Variants in GANC observed in about 807,000 individuals in gnomAD.
GANC encodes glucosidase alpha, neutral C.
In GANC, 117 loss-of-function variants were observed where a neutral mutation model predicts 124.2. That is an observed-to-expected ratio of 0.94 (90% CI 0.81 to 1.10). The LOEUF (loss-of-function observed/expected upper bound fraction) is 1.10. Ranked by LOEUF, GANC falls within the 50% of genes least tolerant of loss-of-function variation. GANC has a pLI of 0.00. For synonymous variants in GANC, 377 were observed against 376.8 expected, an observed-to-expected ratio of 1.00 and a Z score of -0.01; for missense variants, 1,140 against 1,095.0, an observed-to-expected ratio of 1.04 and a Z score of -0.58.
rs975029198 is a variant in GANC at position 42,276,746 on chromosome 15, C to G, written c.92+336C>G. 4.6e-5 allele frequency among the ~76,000 whole-genome samples: 7 copies of G among 152,298 alleles called. No individual in the cohort carries two copies. The East Asian group carries it at 1.3e-3, about 29-fold the overall frequency. On this transcript the variant is annotated intron_variant, in intron 2 of 23. Coordinates refer to ENST00000318010, the MANE Select transcript of GANC (RefSeq NM_198141.3). ...TTGCTTCCACTCCTGTCCCCTTCTACCCATTCCTCATCTTGTCCCGAATAA... is the reference window on the plus strand; with the variant it reads ...TTGCTTCCACTCCTGTCCCCTTCTAGCCATTCCTCATCTTGTCCCGAATAA...
chr15:42,308,125 C>A, intron 7 of GANC, 97 bp from the exon 8 acceptor site: 1 of 684,036 alleles, frequency 1.5e-6, no homozygotes, highest in Non-Finnish European at 2.5e-6. Flanking sequence ...GGTCTCTCAG[C>A]CTTTAGTCTA....
At chr15:42,315,988 A>T (rs1239212942) in intron 10 of GANC, among the ~76,000 whole-genome samples, 7 of 152,076 alleles carry the variant, frequency 4.6e-5, no homozygotes, top group Admixed American at 4.6e-4. Context: ...CTCTCTGTGT[A>T]TGTATACATA....
intron 5 of GANC, among the ~76,000 whole-genome samples, chr15:42,296,643 T>C (rs1327800276): frequency 6.6e-6 from 1 of 152,184 alleles, no homozygotes; most frequent in Non-Finnish European, 1.5e-5. Context: ...TCTACCCGCA[T>C]TGGCCTCCCA....
At chr15:42,295,901 G>A (rs2051887347) in intron 5 of GANC, among the ~76,000 whole-genome samples, 1 of 152,076 alleles carries the variant, frequency 6.6e-6, no homozygotes, top group African/African-American at 2.4e-5. Context: ...TAGCACTTTG[G>A]GAGGCTGAGG....
chr15:42,278,742 C>T (rs964609923), intron 3 of GANC, 152 bp downstream of exon 3: 3 of 566,118 alleles, frequency 5.3e-6, no homozygotes, highest in Non-Finnish European at 9.2e-6. Context: ...GCCTGTAATC[C>T]CAGCACTCTG....
At position 42,321,915 on chromosome 15, in the gene GANC, G is replaced by A. The variant is rs1470176800; in HGVS notation, c.1188G>A (p.Trp396Ter). The change falls in exon 11 of 24, where the codon TGG (tryptophan) becomes TGA (stop). Residue 396 changes from tryptophan to a stop codon, truncating the protein, a stop_gained. Coordinates refer to ENST00000318010, the MANE Select transcript of GANC (RefSeq NM_198141.3). LOFTEE classifies it high-confidence loss of function. Reference sequence around the variant, plus strand: ...ATGACATTCCTTATGATGCCATGTGGCTGGACATAGAGCACACTGAGGGCA... The same window carrying A: ...ATGACATTCCTTATGATGCCATGTGACTGGACATAGAGCACACTGAGGGCA... ...DEHDIPYDAM[W>*]LDIEHTEGKR... The A allele has an allele frequency of 1.9e-6, 3 of 1,614,086 alleles. No individual in the cohort carries two copies. In the Admixed American group the frequency reaches 5.0e-5, roughly 27 times the overall value.
intron 2 of GANC, among the ~76,000 whole-genome samples, chr15:42,277,723 C>T (rs1356137252): frequency 2.0e-5 from 3 of 151,650 alleles, no homozygotes; most frequent in Admixed American, 2.0e-4. Flanking sequence ...GCCTCAGCCT[C>T]CCGACTAGCT....
At chr15:42,339,592 C>T in intron 16 of GANC, 77 bp from the exon 17 acceptor site, 1 of 1,546,838 alleles carries the variant, frequency 6.5e-7, no homozygotes, top group South Asian at 1.2e-5. Context: ...TCCTGTCGGT[C>T]TTCAAGACCT....
At chr15:42,276,933 T>A (rs1218782297) in intron 2 of GANC, among the ~76,000 whole-genome samples, 1 of 152,228 alleles carries the variant, frequency 6.6e-6, no homozygotes, top group Non-Finnish European at 1.5e-5. Flanking sequence ...TATGAGTGCA[T>A]GGAGATTGTT....
In GANC at chr15:42,353,044, A is replaced by G; in HGVS notation, c.*905A>G. The G allele has an allele frequency of 1.1e-6, 1 of 884,578 alleles. No homozygotes were observed. The highest frequency in any genetic ancestry group is 1.4e-6 in the Non-Finnish European group (1 of 737,718). 54.8% of individuals were successfully genotyped at this position (884,578 alleles called of 1,614,324 possible). ...TGCAAAAAAAACCATGATGAACAAA[A>G]TATTAAAATTTAAAATAAAGACAGG... On this transcript the variant is annotated 3_prime_UTR_variant, in exon 24 of 24. Transcript: ENST00000318010.
In GANC at chr15:42,278,517, A is replaced by G. The variant is rs780643380; in HGVS notation, c.128A>G (p.Tyr43Cys). Residue 43 changes from tyrosine (Y) to cysteine (C), a missense_variant, in exon 3 of 24, where the codon TAT becomes TGT. Physicochemically the swap from Tyr to Cys is radical, Grantham distance 194. Transcript: ENST00000318010. ...CAGTGGCTTTCCAAGAAGTCCACCT[A>G]TCAGGCATTATTGGATTCAGTCACA... ...QKQWLSKKST[Y>C]QALLDSVTTD... 6.8e-6 allele frequency: 11 copies of G among 1,612,722 alleles called. No homozygotes were observed. In the South Asian group the frequency reaches 1.2e-4, roughly 18 times the overall value.
chr15:42,292,985 AAATAGATAACAT>A, intron 5 of GANC, 68 bp downstream of exon 5: 1 of 1,437,970 alleles, frequency 7.0e-7, no homozygotes, highest in Non-Finnish European at 9.6e-7. Flanking sequence ...TCAGTTGCCT[AAATAGATAACAT>A]AGCACCATAG....
At position 42,276,471 on chromosome 15, in the gene GANC, G is replaced by T. The variant is rs2051672996; in HGVS notation, c.92+61G>T. 8.7e-6 allele frequency: 7 copies of T among 802,660 alleles called. No homozygotes were observed. In the South Asian group the frequency reaches 1.1e-4, roughly 12 times the overall value. 49.7% of individuals were successfully genotyped at this position (802,660 alleles called of 1,614,324 possible). ...TCTCTGACAGTATTTCAAAATTGATGCTTATTAAATTTTTGGAACTGATAG... is the reference window on the plus strand; with the variant it reads ...TCTCTGACAGTATTTCAAAATTGATTCTTATTAAATTTTTGGAACTGATAG... On this transcript the variant is annotated intron_variant, in intron 2 of 23. Coordinates refer to ENST00000318010, the MANE Select transcript of GANC (RefSeq NM_198141.3).
intron 21 of GANC, among the ~76,000 whole-genome samples, chr15:42,348,429 T>C (rs933410694): frequency 6.6e-6 from 1 of 152,238 alleles, no homozygotes; most frequent in Admixed American, 6.5e-5. Context: ...GAAATGTTCC[T>C]CTTGGGCACT....
At chr15:42,344,543 G>A (rs987576662) in intron 19 of GANC, among the ~76,000 whole-genome samples, 4 of 152,058 alleles carry the variant, frequency 2.6e-5, no homozygotes, top group Non-Finnish European at 4.4e-5. Flanking sequence ...TTCCTTCCAG[G>A]GATTGTGACG....
At chr15:42,330,883 G>A (rs1424545128) in intron 15 of GANC, among the ~76,000 whole-genome samples, 1 of 149,668 alleles carries the variant, frequency 6.7e-6, no homozygotes, top group Non-Finnish European at 1.5e-5. Context: ...GACCACCTGG[G>A]CTCAAGCAAT....
At chr15:42,280,972 C>T in intron 3 of GANC, 1 of 702,536 alleles carries the variant, frequency 1.4e-6, no homozygotes, top group Non-Finnish European at 2.6e-6. Flanking sequence ...GGCAAAGAAA[C>T]CACAGTCCAG....
intron 21 of GANC, 55 bp downstream of exon 21, chr15:42,348,271 C>T (rs2052384968): frequency 9.2e-7 from 1 of 1,084,788 alleles, no homozygotes; most frequent in Non-Finnish European, 1.4e-6. Flanking sequence ...ACAGTGATAG[C>T]CTTTTGAGTG....
intron 20 of GANC, 110 bp downstream of exon 20, chr15:42,345,942 T>A (rs953756633): frequency 5.5e-6 from 4 of 733,476 alleles, no homozygotes; most frequent in Non-Finnish European, 9.1e-6. Flanking sequence ...GAAACTTATT[T>A]TCTCGAAGTT....
Sources: gnomAD v4.1 joint callset for allele counts (sites outside exome capture counted in the v4.1 genomes callset) on GRCh38, gnomAD v4.1.1 for gene constraint, MANE v1.5 for transcripts, NCBI Gene and HGNC (gene_info 2026-07-23, HGNC 2026-07-21) for gene names.